Variants in EEF2K observed in about 807,000 individuals in gnomAD.
The protein encoded by EEF2K is alternative protein EEF2K.
Under a neutral mutation model 93.8 loss-of-function variants are expected in EEF2K, and 70 were observed. That is an observed-to-expected ratio of 0.75 (90% confidence interval 0.62 to 0.91). EEF2K has a LOEUF of 0.91. Ranked by LOEUF, EEF2K falls within the 40% of genes least tolerant of loss-of-function variation. EEF2K has a pLI of 0.00. For missense variants in EEF2K, 935 were observed against 972.9 expected (o/e 0.96, Z 0.52); for synonymous variants, 376 against 380.8 (o/e 0.99, Z 0.15).
Position 22,286,994 on chromosome 16 carries a change from T to A in EEF2K, c.*2998T>A, listed in dbSNP as rs1240524023. The A allele has an allele frequency of 1.3e-5, 2 of 152,222 alleles. No individual in the cohort carries two copies. Among genetic ancestry groups the A allele is most frequent in the Non-Finnish European group, 1.5e-5 (1 of 68,060 alleles). The allele number at this position is 152,222 out of a possible 1,614,324, so 9.4% of individuals were successfully genotyped here. ...TGGCCTGGATACAGAGCTAAGCAAA[T>A]GCTTCTTTAAGGGCCCTTAAAAGTG... On this transcript the variant is annotated 3_prime_UTR_variant, in exon 18 of 18. Transcript: ENST00000263026.
At chr16:22,261,121 C>A (rs1348440168) in intron 11 of EEF2K, among the ~76,000 whole-genome samples, 1 of 152,050 alleles carries the variant, frequency 6.6e-6, no homozygotes, top group East Asian at 1.9e-4. Context: ...GCCTATAATC[C>A]CAGCACTTTG....
At chr16:22,211,480 G>T (rs1285721822) in intron 1 of EEF2K, among the ~76,000 whole-genome samples, 2 of 152,146 alleles carry the variant, frequency 1.3e-5, no homozygotes, top group African/African-American at 4.8e-5. Flanking sequence ...GGGGCGGGGG[G>T]ATAGAGTCTT....
At chr16:22,259,898 G>C (rs542737389) in intron 10 of EEF2K, among the ~76,000 whole-genome samples, 241 of 152,166 alleles carry the variant, frequency 1.6e-3, no homozygotes, top group Middle Eastern at 0.01. Flanking sequence ...GATTACAGGT[G>C]CATGCCACCA....
At chr16:22,241,518 G>A (rs1480025394) in intron 2 of EEF2K, among the ~76,000 whole-genome samples, 1 of 151,158 alleles carries the variant, frequency 6.6e-6, no homozygotes, top group Non-Finnish European at 1.5e-5. Flanking sequence ...GTTGGCTCAC[G>A]CCTGTAATCC....
chr16:22,244,555 C>A, intron 2 of EEF2K, 75 bp from the exon 3 acceptor site: 1 of 1,395,050 alleles, frequency 7.2e-7, no homozygotes, highest in Non-Finnish European at 1.0e-6. Context: ...AATAACAGGG[C>A]AGGAGGAGTC....
At chr16:22,231,668 A>G (rs1364646029) in intron 2 of EEF2K, among the ~76,000 whole-genome samples, 3 of 151,974 alleles carry the variant, frequency 2.0e-5, no homozygotes, top group Admixed American at 1.3e-4. Context: ...CTCTTCCTCA[A>G]ATACATTGAT....
intron 11 of EEF2K, among the ~76,000 whole-genome samples, chr16:22,262,619 T>G (rs1049322926): frequency 6.6e-6 from 1 of 152,226 alleles, no homozygotes; most frequent in Admixed American, 6.5e-5. Flanking sequence ...AGCCTTTGTT[T>G]TTCTGCCTGT....
chr16:22,253,210 C>G (rs1002394773), intron 6 of EEF2K, among the ~76,000 whole-genome samples: 2 of 152,300 alleles, frequency 1.3e-5, no homozygotes, highest in South Asian at 2.1e-4. Flanking sequence ...TTCCCTGTTG[C>G]CTTTCGGCAT....
chr16:22,225,591 G>A, intron 1 of EEF2K, 63 bp from the exon 2 acceptor site: 1 of 1,328,822 alleles, frequency 7.5e-7, no homozygotes, highest in Non-Finnish European at 1.0e-6. Context: ...TTGGGGTGAG[G>A]GTCGGGCGAA....
intron 1 of EEF2K, among the ~76,000 whole-genome samples, chr16:22,222,249 TGTG>T (rs1293519973): frequency 1.3e-5 from 2 of 151,744 alleles, no homozygotes; most frequent in African/African-American, 2.4e-5. Context: ...GCTGGAGTGT[TGTG>T]GTGCAATTTC....
Position 22,264,512 on chromosome 16 carries a change from G to A in EEF2K, c.1378-306G>A, listed in dbSNP as rs997844372. 5.3e-5 allele frequency among the ~76,000 whole-genome samples: 8 copies of A among 152,136 alleles called. No homozygotes were observed. In the East Asian group the frequency reaches 1.4e-3, roughly 26 times the overall value. On this transcript the variant is annotated intron_variant, in intron 12 of 17. Coordinates refer to ENST00000263026, the MANE Select transcript of EEF2K (RefSeq NM_013302.5). ...TAAACATGCAGTAGGAGCTCTGCCC[G>A]TTACCCCAGTGGCTTTGTGTTGGGA...
chr16:22,243,305 G>A (rs2047244499), intron 2 of EEF2K, among the ~76,000 whole-genome samples: 1 of 146,722 alleles, frequency 6.8e-6, no homozygotes, highest in African/African-American at 2.5e-5. Context: ...AGGCTGGAGT[G>A]CAATGGCACA....
At chr16:22,257,621 G>A in intron 8 of EEF2K, 22 bp from the exon 9 acceptor site, 1 of 1,610,288 alleles carries the variant, frequency 6.2e-7, no homozygotes, top group Non-Finnish European at 8.5e-7. Context: ...CAACACTCCA[G>A]ACACCCCCGC....
chr16:22,244,816 G>GA, intron 3 of EEF2K, 86 bp downstream of exon 3: 1 of 1,373,438 alleles, frequency 7.3e-7, no homozygotes, highest in East Asian at 2.4e-5. Context: ...AAGTACTCTT[G>GA]GGGGTCAGGG....
intron 2 of EEF2K, among the ~76,000 whole-genome samples, chr16:22,233,967 T>C (rs1427458863): frequency 6.6e-6 from 1 of 152,136 alleles, no homozygotes; most frequent in Non-Finnish European, 1.5e-5. Context: ...GGAAGCACCA[T>C]AATAAATGTA....
At chr16:22,243,797 C>T (rs1184610636) in intron 2 of EEF2K, among the ~76,000 whole-genome samples, 1 of 151,014 alleles carries the variant, frequency 6.6e-6, no homozygotes, top group Non-Finnish European at 1.5e-5. Context: ...GTGGTGTGCA[C>T]CTGTAGGTCC....
At chr16:22,260,418 C>G in intron 10 of EEF2K, 44 bp from the exon 11 acceptor site, 1 of 1,611,928 alleles carries the variant, frequency 6.2e-7, no homozygotes, top group Non-Finnish European at 8.5e-7. Context: ...TATGCATGTT[C>G]CAGTAGTGGA....
At chr16:22,274,163 C>T (rs961297207) in intron 16 of EEF2K, among the ~76,000 whole-genome samples, 1 of 151,966 alleles carries the variant, frequency 6.6e-6, no homozygotes, top group Non-Finnish European at 1.5e-5. Flanking sequence ...AAAATTAGGG[C>T]CGGGCATGGT....
chr16:22,211,217 TGAA>T (rs1377279874), intron 1 of EEF2K, among the ~76,000 whole-genome samples: 1 of 152,140 alleles, frequency 6.6e-6, no homozygotes, highest in African/African-American at 2.4e-5. Context: ...ATTTTACAGA[TGAA>T]GAAGCTGAGG....
Sources: gnomAD v4.1 joint callset for allele counts (sites outside exome capture counted in the v4.1 genomes callset) on GRCh38, gnomAD v4.1.1 for gene constraint, MANE v1.5 for transcripts, NCBI Gene and HGNC (gene_info 2026-07-23, HGNC 2026-07-21) for gene names.